Variants in CLU observed in about 807,000 individuals in gnomAD.
CLU encodes aging-associated protein 4.
Under a neutral mutation model 46.4 loss-of-function variants are expected in CLU, and 25 were observed. The ratio of observed to expected loss-of-function variants is 0.54; its 90% CI spans 0.39 to 0.75. CLU has a LOEUF of 0.75. Ranked by LOEUF, CLU falls within the 30% of genes least tolerant of loss-of-function variation. The pLI is 0.00. For missense variants in CLU, 504 were observed against 592.1 expected (o/e 0.85, Z 1.54); for synonymous variants, 235 against 235.1 (o/e 1.00, Z 0.00).
At chr8:27,607,943 A>C (rs1800851399) in intron 3 of CLU, among the ~76,000 whole-genome samples, 3 of 152,152 alleles carry the variant, frequency 2.0e-5, no homozygotes, top group Non-Finnish European at 4.4e-5. Context: ...TCTTTTCTCC[A>C]AATGTATGTG....
chr8:27,613,003 A>G (rs995244875), intron 1 of CLU, among the ~76,000 whole-genome samples: 16 of 151,400 alleles, frequency 1.1e-4, no homozygotes, highest in African/African-American at 3.4e-4. Flanking sequence ...CTTTGGGAGC[A>G]ACTCCCCTCC....
Position 27,598,157 on chromosome 8 carries a change from A to C in CLU, c.*84T>G. 4.9e-6 allele frequency: 7 copies of C among 1,440,190 alleles called. No individual in the cohort carries two copies. Among genetic ancestry groups the C allele is most frequent in the African/African-American group, 1.4e-5 (1 of 71,372 alleles). 89.2% of individuals were successfully genotyped at this position (1,440,190 alleles called of 1,614,324 possible). On this transcript the variant is annotated 3_prime_UTR_variant, in exon 9 of 9. Transcript: ENST00000316403. ...GGGGCCTGGTTACTTGGTGACGTGC[A>C]GAGCTCTCTCTGGGGGGCTGCAGCT...
chr8:27,605,216 G>A lies in CLU; in HGVS notation c.537C>T (p.His179=), dbSNP rs746310802. ...CTATGATGCTGGACGCGCGGCTGAA[G>A]TGGTCCTGCATGACATCCAGCATGT... ...QTHMLDVMQD[H]FSRASSIIDE... The change falls in exon 5 of 9, where the codon CAC becomes CAT. Residue 179 remains histidine, a synonymous_variant. Transcript: ENST00000316403. 2 of 1,614,244 alleles carry A rather than the reference G, an allele frequency of 1.2e-6. No individual in the cohort carries two copies. Among genetic ancestry groups the A allele is most frequent in the South Asian group, 2.2e-5 (2 of 91,086 alleles).
At chr8:27,609,190 G>C in intron 2 of CLU, 104 bp from the exon 3 acceptor site, 1 of 1,284,642 alleles carries the variant, frequency 7.8e-7, no homozygotes, top group Non-Finnish European at 1.1e-6. Context: ...TTCAGGGGCT[G>C]TCAAGGCTGG....
At chr8:27,602,160 T>G (rs1292304670) in intron 6 of CLU, among the ~76,000 whole-genome samples, 1 of 152,150 alleles carries the variant, frequency 6.6e-6, no homozygotes, top group Non-Finnish European at 1.5e-5. Context: ...GGTTCTCTAC[T>G]GGGGTGACGC....
chr8:27,609,007 G>T lies in CLU; in HGVS notation c.177C>A (p.Leu59=), dbSNP rs373980006. ...TGCGCTCTTCGTTTGTTTTTTCTAT[G>T]AGAGTCTTTATCTGTTTCACCCCGT... ...AVNGVKQIKT[L]IEKTNEERKT... is the part of the protein sequence containing the mutation. The change falls in exon 3 of 9, where the codon CTC becomes CTA. Residue 59 remains leucine, a synonymous_variant. Transcript: ENST00000316403. 13 of 1,614,022 alleles carry T rather than the reference G, an allele frequency of 8.1e-6. No individual in the cohort carries two copies. In the East Asian group the frequency reaches 2.9e-4, roughly 36 times the overall value.
rs375065507 is a variant in CLU, at chr8:27,598,612, C to T, written c.1188G>A (p.Ser396=). The change falls in exon 8 of 9, where the codon TCG becomes TCA. Residue 396 remains serine (S), a synonymous_variant. Coordinates refer to ENST00000316403, the MANE Select transcript of CLU (RefSeq NM_001831.4). ...VTTVASHTSD[S]DVPSGVTEVV... is the part of the protein sequence containing the mutation. ...CCTCAGTGACACCGGAAGGAACGTC[C>T]GAGTCAGAAGTGTGGGAAGCCACCT... 21 of 1,613,950 alleles carry T rather than the reference C, an allele frequency of 1.3e-5. No homozygotes were observed. The highest frequency in any genetic ancestry group is 1.6e-4 in the Middle Eastern group (1 of 6,084).
Position 27,598,472 on chromosome 8 carries a change from C to T in CLU, c.1328G>A (p.Arg443His), listed in dbSNP as rs376113829. The change falls in exon 8 of 9, where the codon CGC (arginine) becomes CAC (histidine). Residue 443 changes from arginine (R) to histidine (H), a missense_variant. Around this residue, in one of 3 missense-constraint regions of CLU, gnomAD observed 428 missense variants for 484.0 expected, o/e 0.88. Coordinates refer to ENST00000316403, the MANE Select transcript of CLU (RefSeq NM_001831.4). ...CCCGCCTGCTTACCGGTGCTTTTTG[C>T]GGTATTCCTGCAGCGCTTTCTCCGC... ...TVAEKALQEYRKKHREE is the reference protein window; with the variant it reads ...TVAEKALQEYHKKHREE The T allele has an allele frequency of 6.8e-6, 11 of 1,613,948 alleles. No individual in the cohort carries two copies. Among genetic ancestry groups the T allele is most frequent in the Admixed American group, 5.0e-5 (3 of 60,014 alleles).
intron 5 of CLU, 139 bp downstream of exon 5, chr8:27,604,785 T>A (rs1199774555): frequency 2.8e-6 from 3 of 1,088,642 alleles, no homozygotes; most frequent in Non-Finnish European, 2.7e-6. Context: ...AGCTCAGTTT[T>A]TTTCCTCTTT....
intron 1 of CLU, chr8:27,611,317 C>A (rs1257388940): frequency 2.2e-6 from 1 of 455,382 alleles, no homozygotes; most frequent in Non-Finnish European, 4.4e-6. Context: ...CGCAGTGGCC[C>A]GAGGAGCAGG....
chr8:27,600,634 G>A (rs899244188), intron 6 of CLU, among the ~76,000 whole-genome samples: 2 of 152,160 alleles, frequency 1.3e-5, no homozygotes, highest in Non-Finnish European at 2.9e-5. Flanking sequence ...GACAAACTGT[G>A]TTGACCACAC....
chr8:27,602,120 CT>C (rs1563384673), intron 6 of CLU, among the ~76,000 whole-genome samples: 1 of 151,778 alleles, frequency 6.6e-6, no homozygotes, highest in African/African-American at 2.4e-5. Context: ...AAGAAAAATC[CT>C]TGAGAGCTGA....
intron 6 of CLU, among the ~76,000 whole-genome samples, chr8:27,601,460 C>T (rs1278093112): frequency 6.6e-6 from 1 of 152,212 alleles, no homozygotes; most frequent in Admixed American, 6.5e-5. Context: ...CCCACCTGCC[C>T]GCCCATGGCT....
chr8:27,614,681 G>T lies in CLU; in HGVS notation c.-56C>A, dbSNP rs1250004951. 1.9e-6 allele frequency: 1 copy of T among 532,478 alleles called. No individual in the cohort carries two copies. Among genetic ancestry groups the T allele is most frequent in the Non-Finnish European group, 3.9e-6 (1 of 258,576 alleles). 33.0% of individuals were successfully genotyped at this position (532,478 alleles called of 1,614,324 possible). ...GGTCAGCGGCACCCTGTGCCCGCGC[G>T]CTCCTCCTGGCGACGCCGCGTTGTG... On this transcript the variant is annotated 5_prime_UTR_variant, in exon 1 of 9. Transcript: ENST00000316403.
chr8:27,610,688 C>T, intron 1 of CLU, 88 bp from the exon 2 acceptor site: 1 of 938,016 alleles, frequency 1.1e-6, no homozygotes, highest in South Asian at 1.3e-5. Flanking sequence ...TCCCCAGGGC[C>T]TCACTGCCCT....
chr8:27,609,186 G>A (rs555846915), intron 2 of CLU, 100 bp from the exon 3 acceptor site: 128 of 1,307,580 alleles, frequency 9.8e-5, no homozygotes, highest in Non-Finnish European at 1.3e-4. Flanking sequence ...TCAGTTCAGG[G>A]GCTGTCAAGG....
intron 6 of CLU, among the ~76,000 whole-genome samples, chr8:27,603,977 G>A (rs896090600): frequency 2.0e-5 from 3 of 152,178 alleles, no homozygotes; most frequent in Admixed American, 1.3e-4. Flanking sequence ...CAGAATCACC[G>A]GGGAGTCCCA....
At chr8:27,602,240 C>G (rs999184774) in intron 6 of CLU, among the ~76,000 whole-genome samples, 4 of 152,076 alleles carry the variant, frequency 2.6e-5, no homozygotes, top group African/African-American at 9.7e-5. Flanking sequence ...CTGCTGACCT[C>G]TAGTGGGCAG....
chr8:27,598,347 T>C, intron 8 of CLU, 97 bp from the exon 9 acceptor site: 3 of 1,596,948 alleles, frequency 1.9e-6, no homozygotes, highest in East Asian at 2.2e-5. Flanking sequence ...GGGCTCTGGC[T>C]CCGGGCGGAG....
Sources: allele counts gnomAD v4.1 joint callset (sites outside exome capture counted in the v4.1 genomes callset), GRCh38; gene constraint gnomAD v4.1.1; regional missense constraint gnomAD v4.1.1; transcripts MANE v1.5; gene names NCBI Gene and HGNC (gene_info 2026-07-23, HGNC 2026-07-21).